PIAS1: variants seen among roughly 807,000 people sequenced by gnomAD.
The protein encoded by PIAS1 is protein inhibitor of activated STAT 1, also known as E3 SUMO-protein ligase PIAS1.
In PIAS1, 6 loss-of-function variants were observed where a neutral mutation model predicts 71.3. The ratio of observed to expected loss-of-function variants is 0.08; its 90% CI spans 0.05 to 0.17. The LOEUF is 0.17. PIAS1 is among the 10% of genes least tolerant of loss of function. The pLI, the probability that PIAS1 is intolerant of heterozygous loss-of-function variation, is 1.00. For synonymous variants in PIAS1, 303 were observed against 292.9 expected, an observed-to-expected ratio of 1.03 and a Z score of -0.35; for missense variants, 555 against 793.6, an observed-to-expected ratio of 0.70 and a Z score of 3.61.
intron 2 of PIAS1, among the ~76,000 whole-genome samples, chr15:68,097,203 A>G (rs76649698): frequency 6.6e-6 from 1 of 152,128 alleles, no homozygotes; most frequent in African/African-American, 2.4e-5. Context: ...ATTATATTGA[A>G]TTTCATACAC....
intron 1 of PIAS1, among the ~76,000 whole-genome samples, chr15:68,067,524 C>T (rs2092042250): frequency 6.6e-6 from 1 of 151,800 alleles, no homozygotes; most frequent in Non-Finnish European, 1.5e-5. Flanking sequence ...GGGAATATGG[C>T]AGACATTTGT....
chr15:68,155,449 T>TAAAAAAAAA (rs71937461), intron 7 of PIAS1, among the ~76,000 whole-genome samples: 2 of 103,318 alleles, frequency 1.9e-5, no homozygotes, highest in South Asian at 4.1e-4. Flanking sequence ...ATGCTGCCTG[T>TAAAAAAAAA]AAAAAAAAAA....
rs1375042655 is a variant in PIAS1 at position 68,189,070 on chromosome 15, C to T, written c.*1235C>T. On this transcript the variant is annotated 3_prime_UTR_variant, in exon 14 of 14. Coordinates refer to ENST00000249636, the MANE Select transcript of PIAS1 (RefSeq NM_016166.3). ...TATACCTATTTTCTTAGCGTATCTG[C>T]CTTGTTTATCTTTTTCTTCACCTTT... 6.6e-6 allele frequency: 1 copy of T among 152,150 alleles called. No homozygotes were observed. Among genetic ancestry groups the T allele is most frequent in the Non-Finnish European group, 1.5e-5 (1 of 68,028 alleles). The allele number at this position is 152,150 out of a possible 1,614,324, so 9.4% of individuals were successfully genotyped here.
chr15:68,126,644 T>G (rs1356490648), intron 2 of PIAS1, among the ~76,000 whole-genome samples: 1 of 151,886 alleles, frequency 6.6e-6, no homozygotes, highest in Non-Finnish European at 1.5e-5. Flanking sequence ...GGTTTCACCA[T>G]GTTGGCCTGA....
intron 2 of PIAS1, among the ~76,000 whole-genome samples, chr15:68,122,827 A>G (rs530306485): frequency 6.6e-6 from 1 of 152,140 alleles, no homozygotes; most frequent in Non-Finnish European, 1.5e-5. Flanking sequence ...CTATTTTTTC[A>G]AAACTTAGCA....
At chr15:68,096,732 A>C (rs1421278227) in intron 2 of PIAS1, among the ~76,000 whole-genome samples, 2 of 152,114 alleles carry the variant, frequency 1.3e-5, no homozygotes. Flanking sequence ...TTGTGTATGG[A>C]AACAGGACTC....
In PIAS1 at chr15:68,057,729, A is replaced by G. The variant is rs905175224; in HGVS notation, c.24+3379A>G. The G allele has an allele frequency of 2.7e-5, 6 of 219,692 alleles. No homozygotes were observed. In the East Asian group the frequency reaches 4.6e-4, roughly 17 times the overall value. 13.6% of individuals were successfully genotyped at this position (219,692 alleles called of 1,614,324 possible). A position where few individuals can be genotyped will look rare whatever the true frequency, so the allele number is the denominator to read the frequency against. ...ATTCATGGATTTGATTTGAATCTCT[A>G]TAACTTGCTTTTGTCAAGTGCCACA... On this transcript the variant is annotated intron_variant, in intron 1 of 13. Coordinates refer to ENST00000249636, the MANE Select transcript of PIAS1 (RefSeq NM_016166.3).
chr15:68,185,404 T>TTTC lies in PIAS1; in HGVS notation c.1662+1738_1662+1739insTCT, dbSNP rs1247734761. ...AAAGAATCTGCTAAGGATGAAGAGG[T>TTTC]TGCAGAAATGGACAAGGCTGTGGTT... On this transcript the variant is annotated intron_variant, in intron 13 of 13. Transcript: ENST00000249636. The surrounding 1 kb of genome is among the most constrained non-coding windows in gnomAD (Gnocchi z 4.4). Among the ~76,000 whole-genome samples, 3 of 152,222 alleles carry TTTC rather than the reference T, an allele frequency of 2.0e-5. No homozygotes were observed. In the East Asian group the frequency reaches 5.8e-4, roughly 29 times the overall value.
chr15:68,080,859 T>C (rs2092222382), intron 1 of PIAS1, among the ~76,000 whole-genome samples: 1 of 152,252 alleles, frequency 6.6e-6, no homozygotes, highest in Non-Finnish European at 1.5e-5. Context: ...AGATAAAGAC[T>C]CATAATATAG....
chr15:68,102,715 G>A (rs1031511439), intron 2 of PIAS1, among the ~76,000 whole-genome samples: 1 of 151,940 alleles, frequency 6.6e-6, no homozygotes, highest in East Asian at 1.9e-4. Context: ...ATTATATCTT[G>A]TGACCTTGCT....
chr15:68,144,354 C>T (rs2092793281), intron 4 of PIAS1, among the ~76,000 whole-genome samples: 1 of 152,026 alleles, frequency 6.6e-6, no homozygotes, highest in Non-Finnish European at 1.5e-5. Context: ...TTATTAGACA[C>T]CTAGTCTGTT....
Position 68,187,648 on chromosome 15 carries a change from T to G in PIAS1, c.1769T>G (p.Leu590Arg). The G allele has an allele frequency of 6.2e-7, 1 of 1,614,042 alleles. No homozygotes were observed. Among genetic ancestry groups the G allele is most frequent in the Non-Finnish European group, 8.5e-7 (1 of 1,179,898 alleles). The change falls in exon 14 of 14, where the codon CTT becomes CGT. Residue 590 changes from leucine to arginine, a missense_variant. Around this residue, in one of 5 missense-constraint regions of PIAS1, gnomAD observed 244 missense variants for 307.5 expected, o/e 0.79. Coordinates refer to ENST00000249636, the MANE Select transcript of PIAS1 (RefSeq NM_016166.3). The surrounding 1 kb of genome is among the most constrained non-coding windows in gnomAD (Gnocchi z 5.3). ...CCGTATACCTCCTCACAGATGTTTCTTGATCAGTTAAGTGCAGGAGGCAGT... is the reference window on the plus strand; with the variant it reads ...CCGTATACCTCCTCACAGATGTTTCGTGATCAGTTAAGTGCAGGAGGCAGT... The part of the protein sequence containing the change: ...FFPYTSSQMF[L>R]DQLSAGGSTS...
chr15:68,114,120 AAAC>A lies in PIAS1; in HGVS notation c.469+27373_469+27375del, dbSNP rs557042654. Among the ~76,000 whole-genome samples the A allele has an allele frequency of 3.9e-3, 590 of 152,190 alleles. 6 individuals carry two copies. The highest frequency in any genetic ancestry group is 0.013 in the African/African-American group (553 of 41,548). Reference sequence around the variant, plus strand: ...AGGTATAAAAAGCAAATTATTATAAAAACAATACATATGCTCAATGTGAAGAAT... The same window carrying A: ...AGGTATAAAAAGCAAATTATTATAAAAATACATATGCTCAATGTGAAGAAT... On this transcript the variant is annotated intron_variant, in intron 2 of 13. Transcript: ENST00000249636.
intron 2 of PIAS1, among the ~76,000 whole-genome samples, chr15:68,133,084 C>T (rs2092698649): frequency 6.6e-6 from 1 of 151,366 alleles, no homozygotes; most frequent in Non-Finnish European, 1.5e-5. Context: ...TTGTCGTTGT[C>T]ACTTTAATGA....
At chr15:68,175,607 A>G (rs1222596835) in intron 9 of PIAS1, 30 bp from the exon 10 acceptor site, 1 of 1,245,276 alleles carries the variant, frequency 8.0e-7, no homozygotes, top group Non-Finnish European at 1.1e-6. Flanking sequence ...CATTTAAAAT[A>G]TATTCTAAGG....
chr15:68,088,176 G>GTATGTATGTATATATATATATA (rs1555424823), intron 2 of PIAS1, among the ~76,000 whole-genome samples: 1 of 73,008 alleles, frequency 1.4e-5, no homozygotes, highest in African/African-American at 6.2e-5. Flanking sequence ...TTATGTGTGT[G>GTATGTATGTATATATATATATA]TATATATATA....
At chr15:68,113,230 T>C (rs2092537412) in intron 2 of PIAS1, among the ~76,000 whole-genome samples, 1 of 152,198 alleles carries the variant, frequency 6.6e-6, no homozygotes, top group Admixed American at 6.6e-5. Context: ...TATCAATGTA[T>C]GTATAGGAAA....
intron 2 of PIAS1, among the ~76,000 whole-genome samples, chr15:68,087,044 A>T (rs963425175): frequency 6.6e-6 from 1 of 152,190 alleles, no homozygotes; most frequent in Non-Finnish European, 1.5e-5. Context: ...AATATCTCAT[A>T]AATTAAATTA....
rs540656468 is a variant in PIAS1, at chr15:68,056,597, G to T, written c.24+2247G>T. Among the ~76,000 whole-genome samples the T allele has an allele frequency of 4.0e-5, 6 of 151,650 alleles. No individual in the cohort carries two copies. In the East Asian group the frequency reaches 7.7e-4, roughly 20 times the overall value. On this transcript the variant is annotated intron_variant, in intron 1 of 13. Coordinates refer to ENST00000249636, the MANE Select transcript of PIAS1 (RefSeq NM_016166.3). Reference sequence around the variant, plus strand: ...TGTTTTGACATGTTGGTATGTCATTGTGTGTGTCTGAGACTTTGAGGAGCT... The same window carrying T: ...TGTTTTGACATGTTGGTATGTCATTTTGTGTGTCTGAGACTTTGAGGAGCT...
Sources: allele counts gnomAD v4.1 joint callset (sites outside exome capture counted in the v4.1 genomes callset), GRCh38; gene constraint gnomAD v4.1.1; regional missense constraint gnomAD v4.1.1; non-coding constraint Gnocchi (gnomAD v3.1); transcripts MANE v1.5; gene names NCBI Gene and HGNC (gene_info 2026-07-23, HGNC 2026-07-21).